AGAP1: variants seen among roughly 807,000 people sequenced by gnomAD.
AGAP1 encodes ArfGAP with GTPase domain, ankyrin repeat and PH domain 1.
AGAP1 carries 29 observed loss-of-function variants against 105.3 expected under a neutral mutation model. The observed-to-expected ratio is 0.28, with a 90% CI of 0.21 to 0.38. The LOEUF is 0.38. AGAP1 is among the 10% of genes least tolerant of loss of function. The pLI is 1.00. For synonymous variants in AGAP1, 509 were observed against 485.9 expected (o/e 1.05, Z -0.63); for missense variants, 998 against 1,165.1 (o/e 0.86, Z 2.09).
chr2:235,572,498 C>A (rs780290895), intron 1 of AGAP1, among the ~76,000 whole-genome samples: 1 of 152,198 alleles, frequency 6.6e-6, no homozygotes, highest in Middle Eastern at 3.4e-3. Context: ...AGATGTCCTG[C>A]CTCCTGCGTC....
intron 13 of AGAP1, among the ~76,000 whole-genome samples, chr2:235,974,353 A>T (rs564808872): frequency 1.3e-5 from 2 of 152,238 alleles, no homozygotes. Context: ...ACTGACTTTT[A>T]TATGGCTCAT....
At chr2:235,627,476 T>A (rs181780379) in intron 1 of AGAP1, among the ~76,000 whole-genome samples, 2 of 152,228 alleles carry the variant, frequency 1.3e-5, no homozygotes, top group Admixed American at 1.3e-4. Context: ...CCGTCCACCT[T>A]GGCCTCCCAA....
chr2:235,713,357 G>C (rs1347481394), intron 2 of AGAP1, among the ~76,000 whole-genome samples: 1 of 152,238 alleles, frequency 6.6e-6, no homozygotes, highest in Non-Finnish European at 1.5e-5. Flanking sequence ...AGGGGAAACA[G>C]CTTTATTTAG....
intron 1 of AGAP1, among the ~76,000 whole-genome samples, chr2:235,496,452 A>G (rs936209412): frequency 1.3e-5 from 2 of 152,182 alleles, no homozygotes; most frequent in Admixed American, 1.3e-4. Context: ...AGGTTCCTCC[A>G]GAGCTCCAGC....
rs190191049 is a variant in AGAP1, at chr2:236,101,735, G to A, written c.2115-18457G>A. 3.3e-5 allele frequency among the ~76,000 whole-genome samples: 5 copies of A among 152,330 alleles called. No homozygotes were observed. In the East Asian group the frequency reaches 7.7e-4, roughly 24 times the overall value. On this transcript the variant is annotated intron_variant, in intron 16 of 17. Transcript: ENST00000304032. The surrounding 1 kb of genome is among the most constrained non-coding windows in gnomAD (Gnocchi z 4.9). Reference sequence around the variant, plus strand: ...AACGGAATTCACTGTGATGGCGGCTGCACCAGCAGAGCCGCCGTGGGCTTC... The same window carrying A: ...AACGGAATTCACTGTGATGGCGGCTACACCAGCAGAGCCGCCGTGGGCTTC...
chr2:235,856,030 C>T (rs757313628), intron 9 of AGAP1, among the ~76,000 whole-genome samples: 2 of 152,118 alleles, frequency 1.3e-5, no homozygotes, highest in African/African-American at 2.4e-5. Context: ...TCTCCTACCT[C>T]GGCCTCTCGA....
intron 9 of AGAP1, among the ~76,000 whole-genome samples, chr2:235,807,860 C>G (rs554729967): frequency 5.3e-5 from 8 of 152,130 alleles, no homozygotes; most frequent in Non-Finnish European, 8.8e-5. Context: ...TGATTAGGTT[C>G]GGTTTCATTT....
intron 9 of AGAP1, among the ~76,000 whole-genome samples, chr2:235,871,594 G>T (rs1345576483): frequency 1.3e-5 from 2 of 152,224 alleles, no homozygotes; most frequent in Non-Finnish European, 1.5e-5. Flanking sequence ...ATGTGTTTTT[G>T]ATTTTTGTTA....
intron 16 of AGAP1, among the ~76,000 whole-genome samples, chr2:236,097,380 CTTTTTTTTTTTTTT>C (rs58882083): frequency 0.022 from 1,084 of 48,708 alleles, 17 homozygotes; most frequent in African/African-American, 0.079. Context: ...TCATCCTAAT[CTTTTTTTTTTTTTT>C]TTTTTTTTTT....
chr2:236,119,207 C>T lies in AGAP1; in HGVS notation c.2115-985C>T, dbSNP rs1028869730. Among the ~76,000 whole-genome samples the T allele has an allele frequency of 3.3e-5, 5 of 152,052 alleles. No individual in the cohort carries two copies. The highest frequency in any genetic ancestry group is 7.2e-5 in the African/African-American group (3 of 41,390). On this transcript the variant is annotated intron_variant, in intron 16 of 17. Coordinates refer to ENST00000304032, the MANE Select transcript of AGAP1 (RefSeq NM_001037131.3). This position sits in a 1 kb window ranked among gnomAD's most constrained non-coding sequence, Gnocchi z 6.6. ...CAGCATCATCCACTCTCCACACCTC[C>T]GACCCCATCCACCCCCTCCCCAGCT... is the stretch of plus-strand genomic sequence containing the variant.
chr2:235,650,850 C>T (rs1947559739), intron 1 of AGAP1, among the ~76,000 whole-genome samples: 1 of 152,030 alleles, frequency 6.6e-6, no homozygotes, highest in Admixed American at 6.6e-5. Flanking sequence ...GGCAGAGCAG[C>T]CTCTGACATG....
intron 11 of AGAP1, among the ~76,000 whole-genome samples, chr2:235,923,826 A>G (rs1375385798): frequency 6.6e-6 from 1 of 152,244 alleles, no homozygotes; most frequent in Non-Finnish European, 1.5e-5. Context: ...GTTTATGTGC[A>G]TCTGTATGAT....
intron 9 of AGAP1, among the ~76,000 whole-genome samples, chr2:235,827,163 A>G (rs906831668): frequency 6.6e-6 from 1 of 152,210 alleles, no homozygotes; most frequent in African/African-American, 2.4e-5. Flanking sequence ...TTTTAAAAAT[A>G]TGTGTGACTT....
intron 13 of AGAP1, among the ~76,000 whole-genome samples, chr2:235,990,756 G>C (rs2055533178): frequency 6.6e-6 from 1 of 152,232 alleles, no homozygotes; most frequent in Non-Finnish European, 1.5e-5. Flanking sequence ...TCTGGATAGA[G>C]AGTGGCAAGG....
Position 235,744,140 on chromosome 2 carries a change from G to A in AGAP1, c.397-558G>A, listed in dbSNP as rs558875638. Among the ~76,000 whole-genome samples, 1 of 152,352 alleles carries A rather than the reference G, an allele frequency of 6.6e-6. No homozygotes were observed. Among genetic ancestry groups the A allele is most frequent in the Non-Finnish European group, 1.5e-5 (1 of 68,028 alleles). ...GAAAATAAGTAGTCATTTCTTTGCA[G>A]AGGTGCAGCAGGAGTTCAGCCAAGG... On this transcript the variant is annotated intron_variant, in intron 4 of 17. Coordinates refer to ENST00000304032, the MANE Select transcript of AGAP1 (RefSeq NM_001037131.3). The surrounding 1 kb of genome is among the most constrained non-coding windows in gnomAD (Gnocchi z 5.2).
intron 1 of AGAP1, chr2:235,670,058 G>C (rs1408957953): frequency 1.0e-5 from 4 of 390,986 alleles, no homozygotes; most frequent in African/African-American, 2.1e-5. Context: ...CTCCCGGCCC[G>C]CGGGCTCGCT....
At chr2:235,650,409 G>GTCCT (rs1559314454) in intron 1 of AGAP1, among the ~76,000 whole-genome samples, 1 of 151,978 alleles carries the variant, frequency 6.6e-6, no homozygotes, top group African/African-American at 2.4e-5. Context: ...CTGTCCTTAC[G>GTCCT]TCCTTCCATC....
At chr2:235,542,535 C>A (rs1220723075) in intron 1 of AGAP1, among the ~76,000 whole-genome samples, 1 of 150,718 alleles carries the variant, frequency 6.6e-6, no homozygotes, top group East Asian at 1.9e-4. Flanking sequence ...AATCCCAAAT[C>A]CGTACATCCT....
Position 236,124,227 on chromosome 2 carries a change from T to A in AGAP1, c.*105T>A. The A allele has an allele frequency of 7.8e-7, 1 of 1,279,564 alleles. No individual in the cohort carries two copies. Among genetic ancestry groups the A allele is most frequent in the Non-Finnish European group, 1.1e-6 (1 of 919,926 alleles). The allele number at this position is 1,279,564 out of a possible 1,614,324, so 79.3% of individuals were successfully genotyped here. ...GAGTCCCGTCGCATCCCCTCCCTCT[T>A]CCTGGTGGCCACCTCCCTCCCGCCC... On this transcript the variant is annotated 3_prime_UTR_variant, in exon 18 of 18. Transcript: ENST00000304032. This position sits in a 1 kb window ranked among gnomAD's most constrained non-coding sequence, Gnocchi z 5.1.
Sources: gnomAD v4.1 joint callset for allele counts (sites outside exome capture counted in the v4.1 genomes callset) on GRCh38, gnomAD v4.1.1 for gene constraint, Gnocchi (gnomAD v3.1) non-coding constraint, MANE v1.5 for transcripts, NCBI Gene and HGNC (gene_info 2026-07-23, HGNC 2026-07-21) for gene names.